ADH5: variants seen among roughly 807,000 people sequenced by gnomAD.
ADH5 encodes the protein alcohol dehydrogenase 5 (class III), chi polypeptide.
ADH5 carries 32 observed loss-of-function variants against 40.3 expected under a neutral mutation model. The observed-to-expected ratio is 0.79, with a 90% CI of 0.60 to 1.07. ADH5 has a LOEUF of 1.07. Among genes scored for constraint, ADH5 ranks in the 50% least tolerant of loss-of-function variants. The probability of loss-of-function intolerance (pLI) is 0.00; values close to 1 mark genes in which losing one functional copy is unlikely to be tolerated. For missense variants in ADH5, 353 were observed against 460.5 expected (o/e 0.77, Z 2.14); for synonymous variants, 125 against 154.3 (o/e 0.81, Z 1.41).
At chr4:99,087,991 T>C (rs910844007) in intron 1 of ADH5, among the ~76,000 whole-genome samples, 3 of 152,210 alleles carry the variant, frequency 2.0e-5, no homozygotes, top group Non-Finnish European at 2.9e-5. Context: ...GTCTAATTTG[T>C]ATTTTATGAA....
chr4:99,082,835 C>T lies in ADH5; in HGVS notation c.115-719G>A, dbSNP rs28730589. 4.1e-3 allele frequency among the ~76,000 whole-genome samples: 628 copies of T among 152,202 alleles called. 3 individuals are homozygous for T. The highest frequency in any genetic ancestry group is 0.014 in the African/African-American group (586 of 41,556). On this transcript the variant is annotated intron_variant, in intron 2 of 8. Coordinates refer to ENST00000296412, the MANE Select transcript of ADH5 (RefSeq NM_000671.4). ...GGGACTGCAGGCGCGTACCACCAGG[C>T]CTGGCTAATTTTTTATATTTTTAGT...
rs62325244 is a variant in ADH5 at position 99,072,636 on chromosome 4, A to T, written c.1037T>A (p.Val346Glu). The T allele has an allele frequency of 3.8e-4, 615 of 1,613,806 alleles. 1 individual carries two copies. The highest frequency in any genetic ancestry group is 4.8e-4 in the Non-Finnish European group (564 of 1,179,796). Residue 346 changes from valine to glutamate, a missense_variant, in exon 8 of 9, where the codon GTG (valine) becomes GAG (glutamate). Physicochemically the swap from Val to Glu is moderately radical, Grantham distance 121. Coordinates refer to ENST00000296412, the MANE Select transcript of ADH5 (RefSeq NM_000671.4). ...MSKKIKVDEF[V>E]THNLSFDEIN... Reference sequence around the variant, plus strand: ...TTCATCAAAAGACAGATTGTGAGTCACAAATTCATCAACTTTTATCTTTTT... The same window carrying T: ...TTCATCAAAAGACAGATTGTGAGTCTCAAATTCATCAACTTTTATCTTTTT...
At chr4:99,087,749 T>G (rs1728175758) in intron 1 of ADH5, among the ~76,000 whole-genome samples, 1 of 152,188 alleles carries the variant, frequency 6.6e-6, no homozygotes, top group Non-Finnish European at 1.5e-5. Flanking sequence ...CTTCAACATT[T>G]GAACTATAGT....
chr4:99,072,531 ACAT>A, intron 8 of ADH5, 39 bp downstream of exon 8: 2 of 1,609,492 alleles, frequency 1.2e-6, no homozygotes, highest in Non-Finnish European at 8.5e-7. Context: ...CTCAAACTCA[ACAT>A]CATTATTACA....
At chr4:99,082,387 C>T (rs1030222183) in intron 2 of ADH5, among the ~76,000 whole-genome samples, 2 of 152,234 alleles carry the variant, frequency 1.3e-5, no homozygotes, top group South Asian at 4.1e-4. Context: ...TTTCAGCGCG[C>T]GTTAGCAAGA....
intron 4 of ADH5, 23 bp downstream of exon 4, chr4:99,081,342 G>T: frequency 6.9e-7 from 1 of 1,454,142 alleles, no homozygotes. Flanking sequence ...TGTGTTTTAA[G>T]AAGAACATAA....
intron 1 of ADH5, 88 bp from the exon 2 acceptor site, chr4:99,085,304 T>C: frequency 1.9e-6 from 1 of 514,614 alleles, no homozygotes; most frequent in Non-Finnish European, 3.3e-6. Flanking sequence ...TTAATGCTAA[T>C]CTTAAAAAGT....
intron 2 of ADH5, among the ~76,000 whole-genome samples, chr4:99,082,943 T>C (rs28730588): frequency 0.02 from 3,119 of 152,328 alleles, 38 homozygotes; most frequent in Middle Eastern, 0.041. Context: ...CCCAAAGTGC[T>C]GGGATTATAG....
In ADH5 at chr4:99,081,685, T is replaced by C. The variant is rs183343126; in HGVS notation, c.257-233A>G. 1,057 of 559,542 alleles carry C rather than the reference T, an allele frequency of 1.9e-3. 10 individuals carry two copies. The highest frequency in any genetic ancestry group is 2.6e-4 in the Non-Finnish European group (83 of 315,966). The allele number at this position is 559,542 out of a possible 1,614,324, so 34.7% of individuals were successfully genotyped here. A position where few individuals can be genotyped will look rare whatever the true frequency, so the allele number is the denominator to read the frequency against. On this transcript the variant is annotated intron_variant, in intron 3 of 8. Transcript: ENST00000296412. ...CAATAACTGAAGAACAATGAAGTTA[T>C]ATGCTTCAAAATCCTGCTTCATTGA...
rs765219080 is a variant in ADH5 at position 99,088,708 on chromosome 4, G to C, written c.-8C>G. 12 of 1,591,608 alleles carry C rather than the reference G, an allele frequency of 7.5e-6. No homozygotes were observed. The African/African-American group carries it at 1.6e-4, about 22-fold the overall frequency. ...CCCTACCTCGTTCGCCATGTTCACG[G>C]ATTCTGGTCGGCGCGGGGGGCTGAC... On this transcript the variant is annotated 5_prime_UTR_variant, in exon 1 of 9. It adds an upstream start codon to the 5' untranslated region. Transcript: ENST00000296412.
At chr4:99,081,647 G>A in intron 3 of ADH5, 195 bp from the exon 4 acceptor site, 1 of 578,066 alleles carries the variant, frequency 1.7e-6, no homozygotes, top group Non-Finnish European at 3.1e-6. Context: ...TTATCTAAAT[G>A]AAACTCTTTA....
rs533696123 is a variant in ADH5 at position 99,088,750 on chromosome 4, G to A, written c.-50C>T. Reference sequence around the variant, plus strand: ...GGGGCTGACATCCGGGGTGGGCCGCGCAGCGACGGAGGCATGGGCGTGGCG... The same window carrying A: ...GGGGCTGACATCCGGGGTGGGCCGCACAGCGACGGAGGCATGGGCGTGGCG... On this transcript the variant is annotated 5_prime_UTR_variant, in exon 1 of 9. Transcript: ENST00000296412. The A allele has an allele frequency of 2.2e-5, 34 of 1,568,628 alleles. 1 individual carries two copies. Among genetic ancestry groups the A allele is most frequent in the South Asian group, 1.2e-4 (10 of 86,942 alleles).
rs1321681738 is a variant in ADH5 at position 99,071,274 on chromosome 4, AACTC to A, written c.*1139_*1142del. ...ATTCCATACTCATGTAATTCACAAA[AACTC>A]ACATTTACTTTGAAGAGCAATTTGG... On this transcript the variant is annotated 3_prime_UTR_variant, in exon 9 of 9. Transcript: ENST00000296412. 1 of 152,250 alleles carries A rather than the reference AACTC, an allele frequency of 6.6e-6. No homozygotes were observed. Among genetic ancestry groups the A allele is most frequent in the African/African-American group, 2.4e-5 (1 of 41,466 alleles). The allele number at this position is 152,250 out of a possible 1,614,324, so 9.4% of individuals were successfully genotyped here. A position where few individuals can be genotyped will look rare whatever the true frequency, so the allele number is the denominator to read the frequency against.
In ADH5 at chr4:99,072,376, A is replaced by G; in HGVS notation, c.*41T>C. 6.2e-7 allele frequency: 1 copy of G among 1,604,086 alleles called. No homozygotes were observed. The highest frequency in any genetic ancestry group is 8.5e-7 in the Non-Finnish European group (1 of 1,173,078). ...TCTCCCTGCCTGTTAAGCTGCTCCT[A>G]TCACATCACGACAGGATGGACATTA... On this transcript the variant is annotated 3_prime_UTR_variant, in exon 9 of 9. Transcript: ENST00000296412.
At chr4:99,077,429 A>G (rs1727950090) in intron 4 of ADH5, among the ~76,000 whole-genome samples, 1 of 152,148 alleles carries the variant, frequency 6.6e-6, no homozygotes, top group Admixed American at 6.6e-5. Flanking sequence ...CAGGAGTTTG[A>G]GGCTGCAGTG....
chr4:99,081,534 C>T (rs993649788), intron 3 of ADH5, 82 bp from the exon 4 acceptor site: 11 of 1,011,324 alleles, frequency 1.1e-5, no homozygotes, highest in African/African-American at 1.6e-5. Context: ...TTCCTGTCAA[C>T]GGATGTGGCT....
chr4:99,071,745 A>G lies in ADH5; in HGVS notation c.*672T>C, dbSNP rs1379505157. On this transcript the variant is annotated 3_prime_UTR_variant, in exon 9 of 9. Transcript: ENST00000296412. ...GATTTGACAAAAGTAGGTGCTGAGA[A>G]CTTGGATATTCAGTATGTAGTTCAC... 1 of 152,228 alleles carries G rather than the reference A, an allele frequency of 6.6e-6. No individual in the cohort carries two copies. The highest frequency in any genetic ancestry group is 1.5e-5 in the Non-Finnish European group (1 of 68,042). 9.4% of individuals were successfully genotyped at this position (152,228 alleles called of 1,614,324 possible). A position where few individuals can be genotyped will look rare whatever the true frequency, so the allele number is the denominator to read the frequency against.
At chr4:99,077,321 A>C (rs2110460158) in intron 4 of ADH5, among the ~76,000 whole-genome samples, 1 of 152,220 alleles carries the variant, frequency 6.6e-6, no homozygotes, top group Admixed American at 6.5e-5. Flanking sequence ...CCAGGATTTC[A>C]AGAGTAGCCT....
intron 6 of ADH5, chr4:99,076,040 T>C (rs1727919515): frequency 6.7e-6 from 3 of 450,600 alleles, no homozygotes; most frequent in African/African-American, 2.0e-5. Flanking sequence ...ACTGCTTTAT[T>C]CTGTCTTTTC....
Sources: allele counts gnomAD v4.1 joint callset (sites outside exome capture counted in the v4.1 genomes callset), GRCh38; gene constraint gnomAD v4.1.1; transcripts MANE v1.5; gene names NCBI Gene and HGNC (gene_info 2026-07-23, HGNC 2026-07-21).